The following CFAP47 variants were observed in gnomAD, a reference collection of about 807,000 sequenced individuals.
CFAP47 encodes cilia and flagella associated protein 47, also known as cilia- and flagella-associated protein 47.
In CFAP47, 29 loss-of-function variants were observed where a neutral mutation model predicts 148.1. That is an observed-to-expected ratio of 0.20 (90% CI 0.15 to 0.27). CFAP47 has a LOEUF of 0.27. Ranked by LOEUF, CFAP47 falls within the 10% of genes least tolerant of loss-of-function variation. The pLI, the probability that CFAP47 is intolerant of heterozygous loss-of-function variation, is 1.00. For missense variants in CFAP47, 1,872 were observed against 1,697.5 expected, an observed-to-expected ratio of 1.10 and a Z score of -1.81; for synonymous variants, 664 against 577.3, an observed-to-expected ratio of 1.15 and a Z score of -2.15.
chrX:36,267,532 A>G (rs782367489), intron 49 of CFAP47, among the ~76,000 whole-genome samples: 38 of 99,180 alleles, frequency 3.8e-4, no homozygotes, highest in African/African-American at 1.2e-3. Context: ...AGGTTGGAGT[A>G]CAGTGGCATG....
chrX:36,171,329 C>T (rs190391879), intron 39 of CFAP47, among the ~76,000 whole-genome samples: 2,455 of 110,811 alleles, frequency 0.022, 80 homozygotes, highest in African/African-American at 0.071. Context: ...ATTTTGGCTT[C>T]TGTTGCCATT....
rs1490770436 is a variant in CFAP47, at chrX:36,370,644, T to C, written c.9185+3517T>C. On this transcript the variant is annotated intron_variant, in intron 62 of 63. Transcript: ENST00000378653. ...AATAAGCTACTGAATATTTCTAGCT[T>C]ATTTACCAGCCCTTGGGAGGCTACA... is the stretch of plus-strand genomic sequence containing the variant. Among the ~76,000 whole-genome samples the C allele has an allele frequency of 4.5e-5, 5 of 110,646 alleles. No individual in the cohort carries two copies. The Admixed American group carries it at 4.9e-4, about 11-fold the overall frequency.
chrX:36,016,946 T>A (rs952153519), intron 22 of CFAP47, among the ~76,000 whole-genome samples: 2 of 110,798 alleles, frequency 1.8e-5, no homozygotes, highest in Admixed American at 9.7e-5. Flanking sequence ...TTTTCATGTG[T>A]CTGTTTGCCA....
At chrX:36,356,497 C>A (rs1221930842) in intron 60 of CFAP47, among the ~76,000 whole-genome samples, 1 of 111,310 alleles carries the variant, frequency 9.0e-6, no homozygotes, top group African/African-American at 3.3e-5. Flanking sequence ...AACTTGGTTC[C>A]TTTCCCCTGC....
At chrX:36,225,445 T>G (rs1940259710) in intron 45 of CFAP47, among the ~76,000 whole-genome samples, 1 of 111,369 alleles carries the variant, frequency 9.0e-6, no homozygotes, top group Admixed American at 9.6e-5. Context: ...ATCATTGTCT[T>G]CTTTCAACTC....
chrX:36,123,369 C>A (rs1014227416), intron 33 of CFAP47, among the ~76,000 whole-genome samples: 4 of 112,022 alleles, frequency 3.6e-5, no homozygotes, highest in African/African-American at 1.3e-4. Flanking sequence ...CCCTTCTTTT[C>A]AGGGTGGTGA....
chrX:36,167,985 G>T (rs1448413198), intron 39 of CFAP47, among the ~76,000 whole-genome samples: 5 of 109,627 alleles, frequency 4.6e-5, no homozygotes, highest in Non-Finnish European at 9.6e-5. Flanking sequence ...CTTAATGTTG[G>T]TCTTAAATAT....
chrX:35,975,980 A>G, intron 15 of CFAP47, 67 bp downstream of exon 15: 1 of 1,088,638 alleles, frequency 9.2e-7, no homozygotes, highest in Non-Finnish European at 1.3e-6. Flanking sequence ...TCTGGTATTA[A>G]TTATTTATTG....
At chrX:36,099,928 C>T in intron 32 of CFAP47, 49 bp downstream of exon 32, 2 of 653,548 alleles carry the variant, frequency 3.1e-6, no homozygotes, top group Non-Finnish European at 4.8e-6. Flanking sequence ...TAATATGAAT[C>T]ATATGTTAAT....
At chrX:36,348,833 G>T (rs1941719715) in intron 58 of CFAP47, among the ~76,000 whole-genome samples, 2 of 111,499 alleles carry the variant, frequency 1.8e-5, no homozygotes, top group South Asian at 7.5e-4. Context: ...CAATAATCGT[G>T]CAAAATCTAA....
intron 24 of CFAP47, among the ~76,000 whole-genome samples, chrX:36,038,652 G>C (rs1010314270): frequency 8.9e-6 from 1 of 112,020 alleles, no homozygotes; most frequent in African/African-American, 3.2e-5. Flanking sequence ...GGCCTGGGAA[G>C]CTTCTATTAA....
intron 26 of CFAP47, 114 bp downstream of exon 26, chrX:36,047,177 C>T: frequency 1.9e-6 from 1 of 538,163 alleles, no homozygotes; most frequent in Non-Finnish European, 2.9e-6. Flanking sequence ...TAACCTTGGA[C>T]ATAAAGATTA....
intron 46 of CFAP47, among the ~76,000 whole-genome samples, chrX:36,233,248 C>G (rs6629056): frequency 0.12 from 13,655 of 110,482 alleles, 683 homozygotes; most frequent in East Asian, 0.25. Flanking sequence ...GTGTGGGAGT[C>G]TAATTCTCTT....
chrX:36,048,051 G>A (rs1279878835), intron 26 of CFAP47, among the ~76,000 whole-genome samples: 1 of 111,297 alleles, frequency 9.0e-6, no homozygotes, highest in Non-Finnish European at 1.9e-5. Flanking sequence ...TCCTTATCTG[G>A]TTTTCTACAG....
intron 22 of CFAP47, among the ~76,000 whole-genome samples, chrX:36,025,272 A>G (rs1445875427): frequency 9.0e-6 from 1 of 111,450 alleles, no homozygotes; most frequent in Non-Finnish European, 1.9e-5. Context: ...GTCACAGAAC[A>G]TTTCTAAAGG....
chrX:36,238,789 C>T (rs1336761021), intron 48 of CFAP47, among the ~76,000 whole-genome samples: 1 of 111,711 alleles, frequency 9.0e-6, no homozygotes, highest in Non-Finnish European at 1.9e-5. Context: ...GTATGACCTC[C>T]CACTTGGCAG....
chrX:35,976,477 T>G (rs1936572413), intron 15 of CFAP47, among the ~76,000 whole-genome samples: 1 of 111,932 alleles, frequency 8.9e-6, no homozygotes, highest in South Asian at 3.7e-4. Context: ...CTTGAATGTA[T>G]ACAGTCTTTG....
chrX:36,075,506 A>C (rs1018172570), intron 29 of CFAP47, among the ~76,000 whole-genome samples: 1 of 112,147 alleles, frequency 8.9e-6, no homozygotes, highest in Non-Finnish European at 1.9e-5. Context: ...GATTACAGGC[A>C]TGAGCCACTG....
At chrX:36,176,883 GAC>G (rs1939689816) in intron 39 of CFAP47, among the ~76,000 whole-genome samples, 1 of 112,015 alleles carries the variant, frequency 8.9e-6, no homozygotes, top group Non-Finnish European at 1.9e-5. Context: ...CAGCCTGGGC[GAC>G]AGAGTGAGAC....
Sources: allele counts gnomAD v4.1 joint callset (sites outside exome capture counted in the v4.1 genomes callset), GRCh38; gene constraint gnomAD v4.1.1; transcripts MANE v1.5; gene names NCBI Gene and HGNC (gene_info 2026-07-23, HGNC 2026-07-21).